GPR83: variants seen among roughly 807,000 people sequenced by gnomAD.
GPR83 encodes G protein-coupled receptor 83, also known as G-protein coupled receptor 72.
GPR83 carries 23 observed loss-of-function variants against 28.0 expected under a neutral mutation model. The ratio of observed to expected loss-of-function variants is 0.82; its 90% CI spans 0.59 to 1.16. The LOEUF (loss-of-function observed/expected upper bound fraction) is 1.16. Among genes scored for constraint, GPR83 ranks in the 50% most tolerant of loss-of-function variants. GPR83 has a pLI of 0.00. For missense variants in GPR83, 610 were observed against 536.6 expected, an observed-to-expected ratio of 1.14 and a Z score of -1.35; for synonymous variants, 234 against 215.4, an observed-to-expected ratio of 1.09 and a Z score of -0.76.
chr11:94,397,823 G>A (rs920780144), intron 1 of GPR83, among the ~76,000 whole-genome samples: 1 of 152,218 alleles, frequency 6.6e-6, no homozygotes, highest in African/African-American at 2.4e-5. Flanking sequence ...CCTGTTTGGG[G>A]AATAAGGAGT....
Position 94,401,077 on chromosome 11 carries a change from G to T in GPR83, c.171C>A (p.Gly57=). ...GGGACTCAGCGCCGTAGCGCCTCCT[G>T]CCCACAAAGTTCTGCCAGTCGGAGA... ...YTFSDWQNFV[G]RRRYGAESQN... Residue 57 remains glycine (G), a synonymous_variant, in exon 1 of 4, where the codon GGC becomes GGA. Coordinates refer to ENST00000243673, the MANE Select transcript of GPR83 (RefSeq NM_016540.4). 1 of 1,614,204 alleles carries T rather than the reference G, an allele frequency of 6.2e-7. No homozygotes were observed. Among genetic ancestry groups the T allele is most frequent in the Non-Finnish European group, 8.5e-7 (1 of 1,180,006 alleles).
At position 94,380,169 on chromosome 11, in the gene GPR83, G is replaced by A; in HGVS notation, c.1252C>T (p.Pro418Ser). ...CTCTTCTAACTCATCGTCACAATGG[G>A]TTCCACAGATGACAGGTCTGTCTTC... The part of the protein sequence containing the change: ...SGKTDLSSVE[P>S]IVTMS The change falls in exon 4 of 4, where the codon CCC becomes TCC. Residue 418 changes from proline to serine, a missense_variant. Physicochemically the swap from Pro to Ser is moderately conservative, Grantham distance 74 (BLOSUM62 -1). Transcript: ENST00000243673. 2.0e-6 allele frequency: 3 copies of A among 1,515,778 alleles called. No homozygotes were observed. The highest frequency in any genetic ancestry group is 2.6e-6 in the Non-Finnish European group (3 of 1,133,126). The allele number at this position is 1,515,778 out of a possible 1,614,324, so 93.9% of individuals were successfully genotyped here. A position where few individuals can be genotyped will look rare whatever the true frequency, so the allele number is the denominator to read the frequency against.
chr11:94,392,957 C>T (rs1034407029), intron 3 of GPR83, among the ~76,000 whole-genome samples: 8 of 151,758 alleles, frequency 5.3e-5, no homozygotes, highest in Non-Finnish European at 1.0e-4. Context: ...TCTTCCCAAA[C>T]TGACAGTCCA....
intron 3 of GPR83, among the ~76,000 whole-genome samples, chr11:94,381,361 A>G (rs1326124047): frequency 6.6e-6 from 1 of 152,018 alleles, no homozygotes; most frequent in Admixed American, 6.5e-5. Flanking sequence ...AGAGAGAGGA[A>G]ACTTCCTTTG....
rs1565189652 is a variant in GPR83, at chr11:94,401,105, G to A, written c.143C>T (p.Thr48Ile). The A allele has an allele frequency of 6.2e-7, 1 of 1,614,240 alleles. No homozygotes were observed. The highest frequency in any genetic ancestry group is 8.5e-7 in the Non-Finnish European group (1 of 1,180,036). The change falls in exon 1 of 4, where the codon ACC (threonine) becomes ATC (isoleucine). Residue 48 changes from threonine to isoleucine, a missense_variant. By Grantham distance (89) the Thr-to-Ile change is moderately conservative. Coordinates refer to ENST00000243673, the MANE Select transcript of GPR83 (RefSeq NM_016540.4). ...CACAAAGTTCTGCCAGTCGGAGAAG[G>A]TGTAGTTGTTCCAAGAGAAGAAGTG... ...ASHFFSWNNY[T>I]FSDWQNFVGR...
At chr11:94,381,584 C>CGT (rs5793679) in intron 3 of GPR83, among the ~76,000 whole-genome samples, 4 of 141,816 alleles carry the variant, frequency 2.8e-5, no homozygotes, top group Non-Finnish European at 4.7e-5. Flanking sequence ...TGTGTGCGCG[C>CGT]GTGCTGCAGG....
At chr11:94,398,374 G>C (rs1944884836) in intron 1 of GPR83, among the ~76,000 whole-genome samples, 1 of 152,074 alleles carries the variant, frequency 6.6e-6, no homozygotes, top group South Asian at 2.1e-4. Flanking sequence ...GCTTCCTGAT[G>C]CTCCAGCTTC....
At chr11:94,384,647 G>T (rs564367831) in intron 3 of GPR83, among the ~76,000 whole-genome samples, 9 of 152,296 alleles carry the variant, frequency 5.9e-5, no homozygotes, top group Admixed American at 3.9e-4. Flanking sequence ...CAGCGAGGCT[G>T]GGGGAGGAGC....
intron 3 of GPR83, among the ~76,000 whole-genome samples, chr11:94,382,790 A>G (rs1285168772): frequency 6.6e-6 from 1 of 152,040 alleles, no homozygotes; most frequent in African/African-American, 2.4e-5. Context: ...GAAATAAAAC[A>G]CTCCTTAGCA....
chr11:94,387,054 G>C (rs1247587546), intron 3 of GPR83, among the ~76,000 whole-genome samples: 1 of 152,170 alleles, frequency 6.6e-6, no homozygotes, highest in Non-Finnish European at 1.5e-5. Context: ...CATGGAAATT[G>C]AACAACCTGC....
At chr11:94,386,110 T>G (rs1245235966) in intron 3 of GPR83, among the ~76,000 whole-genome samples, 8 of 151,998 alleles carry the variant, frequency 5.3e-5, no homozygotes, top group African/African-American at 1.9e-4. Context: ...GCTTCATAAG[T>G]GAAGGAGAAA....
At chr11:94,383,281 A>C (rs1368280579) in intron 3 of GPR83, among the ~76,000 whole-genome samples, 1 of 152,230 alleles carries the variant, frequency 6.6e-6, no homozygotes, top group Non-Finnish European at 1.5e-5. Flanking sequence ...AGCTCTTTGC[A>C]ACCAAGAAGA....
At position 94,380,548 on chromosome 11, in the gene GPR83, G is replaced by A; in HGVS notation, c.873C>T (p.Ile291=). Reference sequence around the variant, plus strand: ...GGACTACCACCAGCATCAACATCTTGATGGTCTTCTTCTTTTTGCGCCGCA... The same window carrying A: ...GGACTACCACCAGCATCAACATCTTAATGGTCTTCTTCTTTTTGCGCCGCA... ...FALRRKKKKT[I]KMLMLVVVLF... Residue 291 remains isoleucine, a synonymous_variant, in exon 4 of 4, where the codon ATC becomes ATT. Coordinates refer to ENST00000243673, the MANE Select transcript of GPR83 (RefSeq NM_016540.4). 1 of 1,614,186 alleles carries A rather than the reference G, an allele frequency of 6.2e-7. No individual in the cohort carries two copies. Among genetic ancestry groups the A allele is most frequent in the Non-Finnish European group, 8.5e-7 (1 of 1,180,028 alleles).
chr11:94,383,232 C>A (rs4753604), intron 3 of GPR83, among the ~76,000 whole-genome samples: 94,396 of 151,624 alleles, frequency 0.62, 30,057 homozygotes, highest in East Asian at 0.71. Context: ...CTACGAAATG[C>A]CTACTGAGTA....
At position 94,380,429 on chromosome 11, in the gene GPR83, T is replaced by C; in HGVS notation, c.992A>G (p.His331Arg). Residue 331 changes from histidine (H) to arginine (R), a missense_variant, in exon 4 of 4, where the codon CAC (histidine) becomes CGC (arginine). By Grantham distance (29) the His-to-Arg change is conservative. Coordinates refer to ENST00000243673, the MANE Select transcript of GPR83 (RefSeq NM_016540.4). ...RTNNALYFAF[H>R]WFAMSSTCYN... is the part of the protein sequence containing the mutation. ...GCAGGTGCTGCTCATGGCAAACCAG[T>C]GGAAGGCAAAGTAGAGGGCATTGTT... 1 of 1,614,082 alleles carries C rather than the reference T, an allele frequency of 6.2e-7. No homozygotes were observed.
chr11:94,381,386 GA>G (rs962906218), intron 3 of GPR83, among the ~76,000 whole-genome samples: 36 of 151,908 alleles, frequency 2.4e-4, no homozygotes, highest in East Asian at 2.4e-3. Flanking sequence ...TTTTAGGGGG[GA>G]AAAAAAGTCC....
chr11:94,385,052 T>C (rs966864714), intron 3 of GPR83, among the ~76,000 whole-genome samples: 2 of 152,198 alleles, frequency 1.3e-5, no homozygotes, highest in Non-Finnish European at 2.9e-5. Flanking sequence ...ATATTTGCTG[T>C]TCTGCAGCCT....
At chr11:94,387,730 G>C (rs1421107792) in intron 3 of GPR83, among the ~76,000 whole-genome samples, 1 of 152,150 alleles carries the variant, frequency 6.6e-6, no homozygotes, top group Admixed American at 6.5e-5. Flanking sequence ...CGGATTCACA[G>C]CCGATTTCTA....
At chr11:94,382,859 C>T (rs900093580) in intron 3 of GPR83, among the ~76,000 whole-genome samples, 2 of 152,054 alleles carry the variant, frequency 1.3e-5, no homozygotes, top group Admixed American at 6.5e-5. Context: ...CAAACTAGAA[C>T]TCAGGATTAA....
Sources: allele counts gnomAD v4.1 joint callset (sites outside exome capture counted in the v4.1 genomes callset), GRCh38; gene constraint gnomAD v4.1.1; transcripts MANE v1.5; gene names NCBI Gene and HGNC (gene_info 2026-07-23, HGNC 2026-07-21).